The following CDK5RAP3 variants were observed in gnomAD, a reference collection of about 807,000 sequenced individuals.
The protein encoded by CDK5RAP3 is CDK5 regulatory subunit associated protein 3.
In CDK5RAP3, 58 loss-of-function variants were observed where a neutral mutation model predicts 73.3. That is an observed-to-expected ratio of 0.79 (90% CI 0.64 to 0.98). The LOEUF (loss-of-function observed/expected upper bound fraction) is 0.98, where lower values mean the gene tolerates loss of function less well. Ranked by LOEUF, CDK5RAP3 falls within the 50% of genes least tolerant of loss-of-function variation. The probability of loss-of-function intolerance (pLI) is 0.00; values close to 1 mark genes in which losing one functional copy is unlikely to be tolerated. For missense variants in CDK5RAP3, 525 were observed against 615.8 expected (o/e 0.85, Z 1.56); for synonymous variants, 224 against 247.5 (o/e 0.91, Z 0.89).
At chr17:47,974,801 G>A (rs557179227) in intron 5 of CDK5RAP3, 1 of 1,287,266 alleles carries the variant, frequency 7.8e-7, no homozygotes, top group African/African-American at 1.5e-5. Flanking sequence ...GTTTTTCTGG[G>A]AGCGAATATC....
intron 11 of CDK5RAP3, chr17:47,979,663 G>A (rs2597174): frequency 0.66 from 100,616 of 152,470 alleles, 34,246 homozygotes; most frequent in East Asian, 0.76. Context: ...GCAGCCCAGC[G>A]TAAGGAGCCA....
chr17:47,971,268 C>T, intron 1 of CDK5RAP3, 94 bp from the exon 2 acceptor site: 1 of 1,542,772 alleles, frequency 6.5e-7, no homozygotes, highest in Admixed American at 2.0e-5. Context: ...CGTTCTGGCC[C>T]TGCAGGGTGG....
At chr17:47,973,017 TG>T (rs2036305921) in intron 2 of CDK5RAP3, among the ~76,000 whole-genome samples, 1 of 152,184 alleles carries the variant, frequency 6.6e-6, no homozygotes, top group Non-Finnish European at 1.5e-5. Context: ...GGTACTTCAC[TG>T]TTCACAACAG....
At chr17:47,974,075 C>A in intron 4 of CDK5RAP3, 44 bp downstream of exon 4, 2 of 1,353,936 alleles carry the variant, frequency 1.5e-6, no homozygotes, top group Non-Finnish European at 2.1e-6. Flanking sequence ...TGGGGACATC[C>A]AATCCGAGGA....
rs746664739 is a variant in CDK5RAP3 at position 47,981,253 on chromosome 17, G to T, written c.1374G>T (p.Gln458His). ...ALKKELMVQKQQEALEEQAAL... is the reference protein window; with the variant it reads ...ALKKELMVQKHQEALEEQAAL... ...AGAAAGAGCTGATGGTGCAGAAGCAGCAGGAGGCACTTGAGGAGCAGGCGG... is the reference window on the plus strand; with the variant it reads ...AGAAAGAGCTGATGGTGCAGAAGCATCAGGAGGCACTTGAGGAGCAGGCGG... The change falls in exon 13 of 14, where the codon CAG becomes CAT. Residue 458 changes from glutamine (Q) to histidine (H), a missense_variant. Gln to His is a conservative substitution (Grantham distance 24, BLOSUM62 0). Around this residue, in one of 2 missense-constraint regions of CDK5RAP3, gnomAD observed 116 missense variants for 186.1 expected, o/e 0.62. Coordinates refer to ENST00000338399, the MANE Select transcript of CDK5RAP3 (RefSeq NM_176096.3). The T allele has an allele frequency of 3.5e-5, 56 of 1,614,126 alleles. No homozygotes were observed. Among genetic ancestry groups the T allele is most frequent in the Non-Finnish European group, 4.6e-5 (54 of 1,180,056 alleles).
At chr17:47,975,067 C>T in intron 5 of CDK5RAP3, 92 bp from the exon 6 acceptor site, 1 of 1,611,136 alleles carries the variant, frequency 6.2e-7, no homozygotes, top group Non-Finnish European at 8.5e-7. Context: ...TGACTTCGTG[C>T]TCTTCACCAC....
rs779838247 is a variant in CDK5RAP3 at position 47,980,658 on chromosome 17, C to T, written c.1143C>T (p.Ser381=). ...AGGAGGCAGATGTCCTGTCTGTGAG[C>T]CAGTTCCAGCTGGCTCCAGCCATCC... The part of the protein sequence containing the change: ...LSEEADVLSV[S]QFQLAPAILQ... Residue 381 remains serine, a synonymous_variant, in exon 12 of 14, where the codon AGC becomes AGT. Transcript: ENST00000338399. 2 of 1,613,968 alleles carry T rather than the reference C, an allele frequency of 1.2e-6. No individual in the cohort carries two copies. The highest frequency in any genetic ancestry group is 2.2e-5 in the South Asian group (2 of 91,068).
At chr17:47,971,865 C>T (rs2036278074) in intron 2 of CDK5RAP3, among the ~76,000 whole-genome samples, 1 of 152,074 alleles carries the variant, frequency 6.6e-6, no homozygotes, top group South Asian at 2.1e-4. Context: ...CATGGGAGCA[C>T]ATGCCTGTAA....
At chr17:47,976,929 C>G in intron 9 of CDK5RAP3, 107 bp downstream of exon 9, 1 of 641,032 alleles carries the variant, frequency 1.6e-6, no homozygotes, top group Non-Finnish European at 2.7e-6. Flanking sequence ...GCTCTAAGAC[C>G]AGGTATAGTC....
At chr17:47,979,174 C>T (rs1472316446) in intron 11 of CDK5RAP3, 3 of 426,544 alleles carry the variant, frequency 7.0e-6, no homozygotes, top group African/African-American at 6.0e-5. Context: ...CCTCATGGAG[C>T]TTATATTCTA....
At chr17:47,969,889 C>T (rs1485684651), upstream of CDK5RAP3, among the ~76,000 whole-genome samples, 6 of 152,210 alleles carry the variant, frequency 3.9e-5, no homozygotes, top group Non-Finnish European at 8.8e-5. Flanking sequence ...ATCCTGCATC[C>T]CTGTCTCAGG....
chr17:47,970,885 T>C, upstream of CDK5RAP3: 1 of 1,430,132 alleles, frequency 7.0e-7, no homozygotes, highest in South Asian at 1.4e-5. Flanking sequence ...CCCCCTCCCG[T>C]CCCCTGCCCT....
In CDK5RAP3 at chr17:47,975,145, T is replaced by C. The variant is rs1227042222; in HGVS notation, c.335-14T>C. On this transcript the variant is annotated splice_polypyrimidine_tract_variant and intron_variant, in intron 5 of 13. Coordinates refer to ENST00000338399, the MANE Select transcript of CDK5RAP3 (RefSeq NM_176096.3). ...TGGGGGTGTCCTGGGCTGAATTTCCTGGGCACTTCTCAGTGGAACTCTCTA... is the reference window on the plus strand; with the variant it reads ...TGGGGGTGTCCTGGGCTGAATTTCCCGGGCACTTCTCAGTGGAACTCTCTA... 1 of 1,613,968 alleles carries C rather than the reference T, an allele frequency of 6.2e-7. No homozygotes were observed. The highest frequency in any genetic ancestry group is 8.5e-7 in the Non-Finnish European group (1 of 1,180,010).
intron 11 of CDK5RAP3, chr17:47,979,188 G>A: frequency 2.6e-6 from 1 of 383,166 alleles, no homozygotes; most frequent in African/African-American, 2.1e-5. Context: ...TATTCTAATG[G>A]GGAATGCAGA....
chr17:47,979,209 G>A (rs1208470522), intron 11 of CDK5RAP3: 4 of 304,222 alleles, frequency 1.3e-5, no homozygotes, highest in Non-Finnish European at 2.4e-5. Context: ...CTGGAAAGAA[G>A]ATAAATAAAT....
In CDK5RAP3 at chr17:47,977,911, G is replaced by A. The variant is rs757902318; in HGVS notation, c.988+1G>A. 3.1e-6 allele frequency: 5 copies of A among 1,613,848 alleles called. No homozygotes were observed. Among genetic ancestry groups the A allele is most frequent in the Non-Finnish European group, 4.2e-6 (5 of 1,179,796 alleles). Reference sequence around the variant, plus strand: ...ACAGTGCTGGAAGCAGGAACCCAGGGTAAGTGCACCATCCCCTGCAGCCCT... The same window carrying A: ...ACAGTGCTGGAAGCAGGAACCCAGGATAAGTGCACCATCCCCTGCAGCCCT... On this transcript the variant is annotated splice_donor_variant, in intron 10 of 13. Coordinates refer to ENST00000338399, the MANE Select transcript of CDK5RAP3 (RefSeq NM_176096.3). LOFTEE classifies it high-confidence loss of function.
intron 6 of CDK5RAP3, 26 bp from the exon 7 acceptor site, chr17:47,975,488 G>T (rs1354223647): frequency 6.2e-7 from 1 of 1,609,868 alleles, no homozygotes; most frequent in South Asian, 1.1e-5. Context: ...CAATCTGTTG[G>T]ACTCCACCTC....
chr17:47,981,111 G>A (rs2036542257), intron 12 of CDK5RAP3, 52 bp from the exon 13 acceptor site: 2 of 1,559,940 alleles, frequency 1.3e-6, no homozygotes, highest in African/African-American at 1.4e-5. Flanking sequence ...AGCTGAATGG[G>A]AATGCTCAGG....
At chr17:47,970,390 A>T, upstream of CDK5RAP3, 1 of 464,446 alleles carries the variant, frequency 2.2e-6, no homozygotes, top group South Asian at 2.5e-5. Context: ...GACCTCACAA[A>T]TTACGTTGCC....
Sources: allele counts gnomAD v4.1 joint callset (sites outside exome capture counted in the v4.1 genomes callset), GRCh38; gene constraint gnomAD v4.1.1; regional missense constraint gnomAD v4.1.1; transcripts MANE v1.5; gene names NCBI Gene and HGNC (gene_info 2026-07-23, HGNC 2026-07-21).